Variants in SATB2 observed in about 807,000 individuals in gnomAD.
SATB2 encodes SATB homeobox 2.
Under a neutral mutation model 73.4 loss-of-function variants are expected in SATB2, and 1 was observed. That is an observed-to-expected ratio of 0.01 (90% CI 0.00 to 0.06). The LOEUF is 0.06. Among genes scored for constraint, SATB2 ranks in the 10% least tolerant of loss-of-function variants. The pLI is 1.00. For synonymous variants in SATB2, 397 were observed against 367.0 expected (o/e 1.08, Z -0.93); for missense variants, 459 against 945.8 (o/e 0.49, Z 6.75).
At chr2:199,468,263 T>A (rs1433835006), upstream of SATB2, 2 of 152,068 alleles carry the variant, frequency 1.3e-5, no homozygotes, top group African/African-American at 4.8e-5. Context: ...TGCAACCCGG[T>A]AGGAGGACTG....
In SATB2 at chr2:199,270,926, T is replaced by C. The variant is rs1692135242; in HGVS notation, c.*1285A>G. The C allele has an allele frequency of 6.6e-6, 1 of 152,216 alleles. No individual in the cohort carries two copies. Among genetic ancestry groups the C allele is most frequent in the Non-Finnish European group, 1.5e-5 (1 of 68,030 alleles). The allele number at this position is 152,216 out of a possible 1,614,324, so 9.4% of individuals were successfully genotyped here. A position where few individuals can be genotyped will look rare whatever the true frequency, so the allele number is the denominator to read the frequency against. ...GACAGGAGAGATCAGGGACTGAAAATGTTTGATTAGGTAGATGGAATGTGT... is the reference window on the plus strand; with the variant it reads ...GACAGGAGAGATCAGGGACTGAAAACGTTTGATTAGGTAGATGGAATGTGT... On this transcript the variant is annotated 3_prime_UTR_variant, in exon 11 of 11. Coordinates refer to ENST00000417098, the MANE Select transcript of SATB2 (RefSeq NM_001172509.2).
intron 10 of SATB2, among the ~76,000 whole-genome samples, chr2:199,290,027 A>C (rs990162284): frequency 6.6e-6 from 1 of 152,152 alleles, no homozygotes; most frequent in Admixed American, 6.5e-5. Context: ...TTCTGTGTAC[A>C]AGAAGGCCCC....
At chr2:199,459,214 A>T (rs2105963154), upstream of SATB2, among the ~76,000 whole-genome samples, 1 of 151,950 alleles carries the variant, frequency 6.6e-6, no homozygotes, top group South Asian at 2.1e-4. The surrounding 1 kb of genome is among the most constrained non-coding windows in gnomAD (Gnocchi z 4.2). Context: ...GCGCCAACAG[A>T]GCTGTGCCCT....
rs1008519354 is a variant in SATB2, at chr2:199,271,353, A to G, written c.*858T>C. ...AATGCATCTGTTCACTACAGTAATG[A>G]CAAATTGAATAACGGAACGTAGCAA... On this transcript the variant is annotated 3_prime_UTR_variant, in exon 11 of 11. Coordinates refer to ENST00000417098, the MANE Select transcript of SATB2 (RefSeq NM_001172509.2). 8 of 152,794 alleles carry G rather than the reference A, an allele frequency of 5.2e-5. No individual in the cohort carries two copies. Among genetic ancestry groups the G allele is most frequent in the Non-Finnish European group, 8.8e-5 (6 of 68,034 alleles). The allele number at this position is 152,794 out of a possible 1,614,324, so 9.5% of individuals were successfully genotyped here. A position where few individuals can be genotyped will look rare whatever the true frequency, so the allele number is the denominator to read the frequency against.
At chr2:199,397,244 T>C (rs75981472) in intron 3 of SATB2, among the ~76,000 whole-genome samples, 431 of 152,350 alleles carry the variant, frequency 2.8e-3, no homozygotes, top group African/African-American at 9.4e-3. Context: ...CCAAATCTAA[T>C]AATTATTGTT....
intron 9 of SATB2, among the ~76,000 whole-genome samples, chr2:199,321,031 ATTT>A: frequency 6.6e-6 from 1 of 152,078 alleles, no homozygotes; most frequent in Non-Finnish European, 1.5e-5. Context: ...AAGCCCTTGC[ATTT>A]GGCTCTTCAG....
intron 10 of SATB2, among the ~76,000 whole-genome samples, chr2:199,283,806 G>C (rs1383580225): frequency 6.6e-6 from 1 of 152,014 alleles, no homozygotes; most frequent in East Asian, 2.0e-4. Flanking sequence ...CTCAATCCTT[G>C]AGTATACGTC....
chr2:199,439,871 A>C (rs1691759757), intron 2 of SATB2, among the ~76,000 whole-genome samples: 1 of 152,156 alleles, frequency 6.6e-6, no homozygotes, highest in South Asian at 2.1e-4. Flanking sequence ...TGGGAGGCCA[A>C]GGCAGGCGGA....
chr2:199,305,737 C>A (rs1687414727), intron 10 of SATB2, among the ~76,000 whole-genome samples: 1 of 152,014 alleles, frequency 6.6e-6, no homozygotes, highest in Non-Finnish European at 1.5e-5. Context: ...CATCTATGTA[C>A]CCTAATACAA....
At chr2:199,421,485 TAAA>T (rs2105914225) in intron 3 of SATB2, among the ~76,000 whole-genome samples, 1 of 152,250 alleles carries the variant, frequency 6.6e-6, no homozygotes, top group East Asian at 1.9e-4. Context: ...GACTCCTTCA[TAAA>T]ATCTCCATCC....
In SATB2 at chr2:199,328,654, T is replaced by C. The variant is rs762798893; in HGVS notation, c.1386+44A>G. ...CACAGTAACTAGTGAAGGCAAGATG[T>C]TTCCAAGACAAAGAGTGAAAAATAC... On this transcript the variant is annotated intron_variant, in intron 8 of 10. Coordinates refer to ENST00000417098, the MANE Select transcript of SATB2 (RefSeq NM_001172509.2). The C allele has an allele frequency of 4.0e-6, 6 of 1,490,530 alleles. No homozygotes were observed. In the African/African-American group the frequency reaches 4.1e-5, roughly 10 times the overall value. 92.3% of individuals were successfully genotyped at this position (1,490,530 alleles called of 1,614,324 possible). A position where few individuals can be genotyped will look rare whatever the true frequency, so the allele number is the denominator to read the frequency against.
At chr2:199,293,896 A>T (rs749031895) in intron 10 of SATB2, among the ~76,000 whole-genome samples, 15 of 151,684 alleles carry the variant, frequency 9.9e-5, no homozygotes, top group Non-Finnish European at 1.6e-4. Flanking sequence ...GAGAAAAAAA[A>T]CAAAACAAAA....
chr2:199,335,847 A>G (rs1223500701), intron 7 of SATB2, among the ~76,000 whole-genome samples: 2 of 152,182 alleles, frequency 1.3e-5, no homozygotes, highest in African/African-American at 2.4e-5. Flanking sequence ...TAAGTAAAAC[A>G]CTTGTCTCAC....
At chr2:199,443,044 C>CA (rs1559057969) in intron 2 of SATB2, among the ~76,000 whole-genome samples, 1 of 112,634 alleles carries the variant, frequency 8.9e-6, no homozygotes, top group East Asian at 2.7e-4. Context: ...TTTTTTGAGA[C>CA]AGAGTCTCAC....
Position 199,328,706 on chromosome 2 carries a change from T to C in SATB2, c.1378A>G (p.Thr460Ala), listed in dbSNP as rs756308951. The change falls in exon 8 of 11, where the codon ACC becomes GCC. Residue 460 changes from threonine (T) to alanine (A), a missense_variant. By Grantham distance (58) the Thr-to-Ala change is moderately conservative. Transcript: ENST00000417098. ...SASSSPSSSRTPQAKTSTPTT... is the reference protein window; with the variant it reads ...SASSSPSSSRAPQAKTSTPTT... ...GAAAGCAAGTTTCTCACCTGAGGGG[T>C]TCGGGAGGAGCTGGGACTGCTGGAG... is the stretch of plus-strand genomic sequence containing the variant. 6.2e-7 allele frequency: 1 copy of C among 1,612,476 alleles called. No individual in the cohort carries two copies. Among genetic ancestry groups the C allele is most frequent in the Non-Finnish European group, 8.5e-7 (1 of 1,179,678 alleles).
chr2:199,375,380 C>A (rs1689570067), intron 5 of SATB2, among the ~76,000 whole-genome samples: 1 of 152,118 alleles, frequency 6.6e-6, no homozygotes, highest in Non-Finnish European at 1.5e-5. Context: ...AAGGTGAAAT[C>A]AAAAATAAAT....
In SATB2 at chr2:199,308,805, G is replaced by A. The variant is rs1687513099; in HGVS notation, c.1695C>T (p.Ser565=). 8.1e-6 allele frequency: 13 copies of A among 1,614,096 alleles called. No homozygotes were observed. Among genetic ancestry groups the A allele is most frequent in the South Asian group, 1.1e-5 (1 of 91,080 alleles). The change falls in exon 10 of 11, where the codon AGC becomes AGT. Residue 565 remains serine, a synonymous_variant. Transcript: ENST00000417098. This position sits in a 1 kb window ranked among gnomAD's most constrained non-coding sequence, Gnocchi z 4.6. ...IYEEESRHHH[S]ERMQHVVQLP... Reference sequence around the variant, plus strand: ...GCTGGACCACGTGTTGCATGCGTTCGCTGTGGTGATGCCTTGACTCCTCCT... The same window carrying A: ...GCTGGACCACGTGTTGCATGCGTTCACTGTGGTGATGCCTTGACTCCTCCT...
intron 2 of SATB2, among the ~76,000 whole-genome samples, chr2:199,437,823 C>G (rs1456315032): frequency 6.6e-6 from 1 of 151,982 alleles, no homozygotes; most frequent in Non-Finnish European, 1.5e-5. Context: ...TAATTTTTTT[C>G]AAGGCCTATA....
chr2:199,337,534 T>C (rs1338359753), intron 7 of SATB2, among the ~76,000 whole-genome samples: 9 of 152,200 alleles, frequency 5.9e-5, no homozygotes, highest in Non-Finnish European at 1.3e-4. Context: ...CATGAAGCCT[T>C]TGCTTTAGAA....
Sources: gnomAD v4.1 joint callset for allele counts (sites outside exome capture counted in the v4.1 genomes callset) on GRCh38, gnomAD v4.1.1 for gene constraint, Gnocchi (gnomAD v3.1) non-coding constraint, MANE v1.5 for transcripts, NCBI Gene and HGNC (gene_info 2026-07-23, HGNC 2026-07-21) for gene names.